Variants in CPM observed in about 807,000 individuals in gnomAD.
The protein encoded by CPM is renal carboxypeptidase.
Under a neutral mutation model 46.4 loss-of-function variants are expected in CPM, and 35 were observed. The observed-to-expected ratio is 0.75, with a 90% CI of 0.58 to 1.00. The LOEUF (loss-of-function observed/expected upper bound fraction) is 1.00, where lower values mean the gene tolerates loss of function less well. Ranked by LOEUF, CPM falls within the 50% of genes least tolerant of loss-of-function variation. The pLI is 0.00. For missense variants in CPM, 422 were observed against 530.4 expected, an observed-to-expected ratio of 0.80 and a Z score of 2.01; for synonymous variants, 195 against 195.3, an observed-to-expected ratio of 1.00 and a Z score of 0.01.
chr12:68,863,205 G>T (rs148222613), intron 7 of CPM, among the ~76,000 whole-genome samples: 4 of 152,284 alleles, frequency 2.6e-5, no homozygotes, highest in Admixed American at 1.3e-4. Context: ...GCACATACCA[G>T]ATTCTTTTAT....
chr12:68,865,243 C>T (rs576417573), intron 7 of CPM, among the ~76,000 whole-genome samples: 1 of 152,258 alleles, frequency 6.6e-6, no homozygotes, highest in East Asian at 1.9e-4. Context: ...TATTAAGATG[C>T]TGGTGAGAAA....
At chr12:68,941,856 G>GTTT (rs575655303) in intron 1 of CPM, among the ~76,000 whole-genome samples, 11 of 152,156 alleles carry the variant, frequency 7.2e-5, no homozygotes, top group Non-Finnish European at 1.6e-4. Context: ...GGATTTGTTT[G>GTTT]TTTTTGATAA....
intron 2 of CPM, among the ~76,000 whole-genome samples, chr12:68,926,039 C>A (rs929026590): frequency 6.6e-6 from 1 of 152,156 alleles, no homozygotes; most frequent in African/African-American, 2.4e-5. Context: ...ACCTCAGCCT[C>A]CCAAGTAGCT....
chr12:68,867,775 C>T (rs1243206856), intron 6 of CPM, among the ~76,000 whole-genome samples: 1 of 152,204 alleles, frequency 6.6e-6, no homozygotes, highest in Non-Finnish European at 1.5e-5. Flanking sequence ...CTGTGGAGCC[C>T]AGGCTGCCAC....
At chr12:68,856,926 A>G (rs1438607542) in intron 8 of CPM, among the ~76,000 whole-genome samples, 2 of 152,234 alleles carry the variant, frequency 1.3e-5, no homozygotes, top group Non-Finnish European at 2.9e-5. Context: ...TGGGTACCTC[A>G]TCTGGCAATG....
chr12:68,913,354 GA>G (rs1887676893), intron 2 of CPM, among the ~76,000 whole-genome samples: 1 of 152,174 alleles, frequency 6.6e-6, no homozygotes, highest in Non-Finnish European at 1.5e-5. Flanking sequence ...GGCATTTTGA[GA>G]TAGTTGGAGT....
chr12:68,872,911 A>G (rs1174695671), intron 3 of CPM, among the ~76,000 whole-genome samples: 1 of 152,200 alleles, frequency 6.6e-6, no homozygotes, highest in African/African-American at 2.4e-5. Context: ...AGCTTGCAGT[A>G]TCAATAAGGC....
chr12:68,962,279 A>G (rs769486860), intron 1 of CPM, among the ~76,000 whole-genome samples: 19 of 152,096 alleles, frequency 1.2e-4, no homozygotes, highest in Non-Finnish European at 2.5e-4. Context: ...TTAAACCTAC[A>G]GTTCAGTAGT....
At chr12:68,850,860 G>A (rs1884637516), downstream of CPM, among the ~76,000 whole-genome samples, 2 of 152,014 alleles carry the variant, frequency 1.3e-5, no homozygotes, top group Non-Finnish European at 2.9e-5. Flanking sequence ...AATATAAATT[G>A]TGAATTTTCA....
chr12:68,935,208 C>T (rs1284426543), upstream of CPM, among the ~76,000 whole-genome samples: 7 of 150,884 alleles, frequency 4.6e-5, no homozygotes, highest in African/African-American at 1.7e-4. Context: ...CCGTGCCTGG[C>T]CATCTTTTTT....
At chr12:68,857,716 A>G (rs528862936) in intron 8 of CPM, among the ~76,000 whole-genome samples, 3 of 152,332 alleles carry the variant, frequency 2.0e-5, no homozygotes, top group East Asian at 3.9e-4. Flanking sequence ...TTACCTTCAA[A>G]TATTATCCTA....
intron 8 of CPM, among the ~76,000 whole-genome samples, chr12:68,857,605 G>A (rs1565764315): frequency 6.6e-6 from 1 of 151,964 alleles, no homozygotes; most frequent in Non-Finnish European, 1.5e-5. Context: ...ACTGAGAAAT[G>A]CTTTTATTAT....
Position 68,859,062 on chromosome 12 carries a change from C to T in CPM, c.950G>A (p.Gly317Asp), listed in dbSNP as rs769504248. 12 of 1,491,084 alleles carry T rather than the reference C, an allele frequency of 8.0e-6. No individual in the cohort carries two copies. Among genetic ancestry groups the T allele is most frequent in the African/African-American group, 1.4e-5 (1 of 69,908 alleles). The allele number at this position is 1,491,084 out of a possible 1,614,324, so 92.4% of individuals were successfully genotyped here. The change falls in exon 8 of 9, where the codon GGT becomes GAT. Residue 317 changes from glycine (G) to aspartate (D), a missense_variant. Coordinates refer to ENST00000551568, the MANE Select transcript of CPM (RefSeq NM_198320.5). ...ATTTCCATTCTGATCAAAAACTTGA[C>T]CCTTTACACCTGCAAGACAAAAATA... ...YIKQVHLGVK[G>D]QVFDQNGNPL...
At chr12:68,887,573 A>C (rs573079247) in intron 2 of CPM, among the ~76,000 whole-genome samples, 1 of 152,354 alleles carries the variant, frequency 6.6e-6, no homozygotes, top group African/African-American at 2.4e-5. Flanking sequence ...TATATGATTT[A>C]TGTACCCTGT....
chr12:68,930,385 A>C (rs1311560981), intron 2 of CPM, among the ~76,000 whole-genome samples: 6 of 152,194 alleles, frequency 3.9e-5, no homozygotes, highest in Non-Finnish European at 7.3e-5. Flanking sequence ...CCTGGTCATA[A>C]ATTCTGTTTT....
chr12:68,870,435 G>C (rs753806065), intron 4 of CPM, 36 bp from the exon 5 acceptor site: 21 of 1,568,530 alleles, frequency 1.3e-5, no homozygotes, highest in Middle Eastern at 3.4e-4. Context: ...CTTATTGATA[G>C]GGCATGAGGG....
Position 68,876,745 on chromosome 12 carries a change from C to T in CPM, c.259-4789G>A, listed in dbSNP as rs146149663. On this transcript the variant is annotated intron_variant, in intron 3 of 8. Transcript: ENST00000551568. ...ATTCTCTATCAGCTGCAGTTCAATTCAGTCAAGTTGGAATTTGCCACACAG... is the reference window on the plus strand; with the variant it reads ...ATTCTCTATCAGCTGCAGTTCAATTTAGTCAAGTTGGAATTTGCCACACAG... Among the ~76,000 whole-genome samples, 609 of 152,280 alleles carry T rather than the reference C, an allele frequency of 4.0e-3. 5 individuals are homozygous for T. The highest frequency in any genetic ancestry group is 0.013 in the African/African-American group (546 of 41,562).
chr12:68,926,808 G>A (rs1888283083), intron 2 of CPM, among the ~76,000 whole-genome samples: 2 of 152,030 alleles, frequency 1.3e-5, no homozygotes, highest in Non-Finnish European at 2.9e-5. Flanking sequence ...GTGAGAATAT[G>A]TGGTGTTTGG....
intron 2 of CPM, among the ~76,000 whole-genome samples, chr12:68,925,134 T>C (rs1266924445): frequency 1.3e-5 from 2 of 152,234 alleles, no homozygotes; most frequent in Admixed American, 6.5e-5. Context: ...TATTGATTTA[T>C]GACTAGTGTA....
Sources: allele counts gnomAD v4.1 joint callset (sites outside exome capture counted in the v4.1 genomes callset), GRCh38; gene constraint gnomAD v4.1.1; transcripts MANE v1.5; gene names NCBI Gene and HGNC (gene_info 2026-07-23, HGNC 2026-07-21).